Variants in USP25 observed in about 807,000 individuals in gnomAD.
USP25 encodes the protein ubiquitin carboxyl-terminal hydrolase 25.
A neutral mutation model predicts 158.5 loss-of-function variants in USP25; 85 were observed. The observed-to-expected ratio is 0.54, with a 90% CI of 0.45 to 0.64. The LOEUF (loss-of-function observed/expected upper bound fraction) is 0.64, where lower values mean the gene tolerates loss of function less well. Ranked by LOEUF, USP25 falls within the 30% of genes least tolerant of loss-of-function variation. The pLI, the probability that USP25 is intolerant of heterozygous loss-of-function variation, is 0.00. For synonymous variants in USP25, 464 were observed against 460.4 expected, an observed-to-expected ratio of 1.01 and a Z score of -0.10; for missense variants, 1,242 against 1,327.3, an observed-to-expected ratio of 0.94 and a Z score of 1.00.
chr21:15,753,697 T>G (rs1327380731), intron 1 of USP25, among the ~76,000 whole-genome samples: 1 of 146,054 alleles, frequency 6.8e-6, no homozygotes, highest in Non-Finnish European at 1.5e-5. Context: ...CGTTCCTGTA[T>G]GAGAGGGAAA....
At chr21:15,799,541 A>T in intron 5 of USP25, 1 of 358,192 alleles carries the variant, frequency 2.8e-6, no homozygotes, top group Non-Finnish European at 5.1e-6. Context: ...AAAGTTGTCC[A>T]AATATAATCT....
In USP25 at chr21:15,827,042, C is replaced by T. The variant is rs1328043597; in HGVS notation, c.1532C>T (p.Ala511Val). The T allele has an allele frequency of 2.5e-6, 4 of 1,614,130 alleles. No individual in the cohort carries two copies. In the East Asian group the frequency reaches 6.7e-5, roughly 27 times the overall value. Residue 511 changes from alanine (A) to valine (V), a missense_variant, in exon 14 of 26, where the codon GCC becomes GTC. Around this residue, in one of 3 missense-constraint regions of USP25, gnomAD observed 627 missense variants for 701.4 expected, o/e 0.89. Transcript: ENST00000400183. ...LPSTSPSSVA[A>V]ISSRSVIHKP... is the part of the protein sequence containing the mutation. ...AGCACATCACCTTCATCAGTTGCTGCCATTTCATCGAGATCAGTAATACAC... is the reference window on the plus strand; with the variant it reads ...AGCACATCACCTTCATCAGTTGCTGTCATTTCATCGAGATCAGTAATACAC...
chr21:15,782,765 G>A (rs2035039881), intron 4 of USP25, among the ~76,000 whole-genome samples: 1 of 152,116 alleles, frequency 6.6e-6, no homozygotes, highest in Non-Finnish European at 1.5e-5. Context: ...CTCTTCCTAT[G>A]AAAGCTGCTC....
At chr21:15,759,042 A>G (rs1249380017) in intron 1 of USP25, among the ~76,000 whole-genome samples, 1 of 152,220 alleles carries the variant, frequency 6.6e-6, no homozygotes, top group African/African-American at 2.4e-5. Flanking sequence ...TCTCTGAGCC[A>G]TGATTGAATA....
At chr21:15,753,383 G>A (rs1426481843) in intron 1 of USP25, among the ~76,000 whole-genome samples, 2 of 152,218 alleles carry the variant, frequency 1.3e-5, no homozygotes, top group Non-Finnish European at 2.9e-5. Context: ...GTAGGAGGTT[G>A]TAAACAGGCC....
chr21:15,789,693 C>G (rs897691864), intron 4 of USP25, among the ~76,000 whole-genome samples: 4 of 151,956 alleles, frequency 2.6e-5, no homozygotes, highest in African/African-American at 9.7e-5. Flanking sequence ...TTTTATCTGC[C>G]TTTCCCAGAA....
intron 1 of USP25, among the ~76,000 whole-genome samples, chr21:15,736,074 A>G (rs940026571): frequency 2.0e-5 from 3 of 149,866 alleles, no homozygotes; most frequent in African/African-American, 7.4e-5. Context: ...TGTCGTCAGT[A>G]GTGTTTGCCA....
At chr21:15,763,513 C>T (rs2033858433) in intron 2 of USP25, among the ~76,000 whole-genome samples, 1 of 152,108 alleles carries the variant, frequency 6.6e-6, no homozygotes, top group South Asian at 2.1e-4. Flanking sequence ...GTTGGACCTT[C>T]AGTTTCACAT....
At chr21:15,824,664 T>A (rs1457555780) in intron 11 of USP25, among the ~76,000 whole-genome samples, 1 of 152,204 alleles carries the variant, frequency 6.6e-6, no homozygotes, top group Non-Finnish European at 1.5e-5. Context: ...TCGCCCAGGC[T>A]GGAGTGCAGT....
At chr21:15,784,201 G>A (rs867680857) in intron 4 of USP25, among the ~76,000 whole-genome samples, 2 of 152,138 alleles carry the variant, frequency 1.3e-5, no homozygotes, top group Non-Finnish European at 2.9e-5. Context: ...AATTCCTTCC[G>A]TCCTCTAATA....
chr21:15,806,401 G>A (rs1006662407), intron 7 of USP25, among the ~76,000 whole-genome samples: 1 of 146,658 alleles, frequency 6.8e-6, no homozygotes, highest in African/African-American at 2.5e-5. Context: ...CCTTCTGGAT[G>A]GCTTTTTCCT....
chr21:15,775,053 T>C (rs2034558851), intron 3 of USP25, among the ~76,000 whole-genome samples: 1 of 152,210 alleles, frequency 6.6e-6, no homozygotes, highest in African/African-American at 2.4e-5. Context: ...GAAAGACCAC[T>C]GGATTTAAGA....
At chr21:15,840,757 C>T (rs2038294356) in intron 17 of USP25, among the ~76,000 whole-genome samples, 1 of 152,144 alleles carries the variant, frequency 6.6e-6, no homozygotes, top group Admixed American at 6.6e-5. Flanking sequence ...TACAAAGATT[C>T]TAGGTTTCAG....
In USP25 at chr21:15,773,818, A is replaced by G. The variant is rs143244342; in HGVS notation, c.269-4086A>G. On this transcript the variant is annotated intron_variant, in intron 3 of 25. Coordinates refer to ENST00000400183, the MANE Select transcript of USP25 (RefSeq NM_001283041.3). The stretch of plus-strand genomic sequence containing the variant: ...TAAAATGTCAGTCTATTATGTTTGA[A>G]TAACATATTTTATGAAAAACACATT... Among the ~76,000 whole-genome samples the G allele has an allele frequency of 4.6e-5, 7 of 152,322 alleles. No homozygotes were observed. In the East Asian group the frequency reaches 1.2e-3, roughly 25 times the overall value.
chr21:15,730,260 G>A lies in USP25; in HGVS notation c.-134G>A. 4 of 941,068 alleles carry A rather than the reference G, an allele frequency of 4.3e-6. No individual in the cohort carries two copies. Among genetic ancestry groups the A allele is most frequent in the Non-Finnish European group, 5.1e-6 (4 of 789,534 alleles). The allele number at this position is 941,068 out of a possible 1,614,324, so 58.3% of individuals were successfully genotyped here. A position where few individuals can be genotyped will look rare whatever the true frequency, so the allele number is the denominator to read the frequency against. On this transcript the variant is annotated 5_prime_UTR_variant, in exon 1 of 26. Coordinates refer to ENST00000400183, the MANE Select transcript of USP25 (RefSeq NM_001283041.3). ...GCCGGCCGCCATCGCCTTCGCGCCT[G>A]GCTGGCGGGGGCGCTGTCCTCCCAG...
chr21:15,827,336 A>C, intron 14 of USP25, 133 bp downstream of exon 14: 1 of 815,122 alleles, frequency 1.2e-6, no homozygotes, highest in Non-Finnish European at 1.9e-6. Flanking sequence ...AAAGGGTTTT[A>C]AGATAAACTA....
chr21:15,772,757 G>C (rs922705402), intron 3 of USP25, among the ~76,000 whole-genome samples: 1 of 152,186 alleles, frequency 6.6e-6, no homozygotes, highest in African/African-American at 2.4e-5. Flanking sequence ...GGTTTAACCA[G>C]TCTGTTGAAA....
intron 3 of USP25, among the ~76,000 whole-genome samples, chr21:15,772,067 T>C (rs557921596): frequency 6.6e-6 from 1 of 152,290 alleles, no homozygotes. Context: ...AACCTGAGGT[T>C]CAAGTAAGAT....
chr21:15,818,666 T>C (rs1390240004), intron 9 of USP25, 32 bp from the exon 10 acceptor site: 4 of 1,581,612 alleles, frequency 2.5e-6, no homozygotes, highest in Non-Finnish European at 2.6e-6. Context: ...GAAGGCCATA[T>C]TGAGTATTAT....
Sources: gnomAD v4.1 joint callset for allele counts (sites outside exome capture counted in the v4.1 genomes callset) on GRCh38, gnomAD v4.1.1 for gene constraint, gnomAD v4.1.1 regional missense constraint, MANE v1.5 for transcripts, NCBI Gene and HGNC (gene_info 2026-07-23, HGNC 2026-07-21) for gene names.